UMODL1: variants seen among roughly 807,000 people sequenced by gnomAD.
UMODL1 encodes the protein uromodulin-like 1.
UMODL1 carries 128 observed loss-of-function variants against 136.3 expected under a neutral mutation model. The observed-to-expected ratio is 0.94, with a 90% CI of 0.81 to 1.09. The LOEUF (loss-of-function observed/expected upper bound fraction) is 1.09, where lower values mean the gene tolerates loss of function less well. Among genes scored for constraint, UMODL1 ranks in the 50% least tolerant of loss-of-function variants. UMODL1 has a pLI of 0.00. For synonymous variants in UMODL1, 721 were observed against 720.0 expected (o/e 1.00, Z -0.02); for missense variants, 1,766 against 1,725.6 (o/e 1.02, Z -0.41).
chr21:42,074,803 C>A (rs2146417842), intron 1 of UMODL1, among the ~76,000 whole-genome samples: 1 of 152,314 alleles, frequency 6.6e-6, no homozygotes, highest in South Asian at 2.1e-4. Context: ...GGGCTCACTG[C>A]AACCTCCGCC....
intron 22 of UMODL1, among the ~76,000 whole-genome samples, chr21:42,141,206 G>A (rs1189059955): frequency 5.3e-5 from 8 of 152,308 alleles, no homozygotes; most frequent in South Asian, 2.1e-4. Flanking sequence ...TACAGCACAC[G>A]TTTCCAAAAG....
intron 4 of UMODL1, 136 bp from the exon 5 acceptor site, chr21:42,088,158 C>G (rs1168291186): frequency 3.5e-6 from 3 of 853,972 alleles, no homozygotes; most frequent in East Asian, 5.4e-5. Context: ...TAGATAAGTA[C>G]TGTAGAGGTT....
In UMODL1 at chr21:42,074,534, C is replaced by T. The variant is rs550417802; in HGVS notation, c.77-1471C>T. 5.3e-4 allele frequency among the ~76,000 whole-genome samples: 81 copies of T among 152,248 alleles called. 1 individual carries two copies. In the South Asian group the frequency reaches 0.012, roughly 23 times the overall value. ...GGGGATGTCCATGACCAAAGAGTCT[C>T]GTGGTGAATGTCATGGGGCCAGGGG... On this transcript the variant is annotated intron_variant, in intron 1 of 22. Transcript: ENST00000408910.
chr21:42,107,687 G>C (rs1391599691), intron 9 of UMODL1, among the ~76,000 whole-genome samples: 1 of 152,168 alleles, frequency 6.6e-6, no homozygotes, highest in African/African-American at 2.4e-5. Context: ...CACTTCTGGA[G>C]GACGCCCTGG....
chr21:42,104,063 G>A lies in UMODL1; in HGVS notation c.1495G>A (p.Asp499Asn), dbSNP rs1349474584. ...PLLASTVFQI[D>N]RQGTRVQDWD... ...GTTGGCAAGCACAGTGTTCCAGATT[G>A]ACCGGCAGGGGACACGCGTGCAAGG... Residue 499 changes from aspartate (D) to asparagine (N), a missense_variant, in exon 9 of 23, where the codon GAC (aspartate) becomes AAC (asparagine). By Grantham distance (23) the Asp-to-Asn change is conservative. Transcript: ENST00000408910. 6.8e-6 allele frequency: 11 copies of A among 1,612,694 alleles called. 1 individual carries two copies. The South Asian group carries it at 1.2e-4, about 18-fold the overall frequency.
intron 1 of UMODL1, 75 bp downstream of exon 1, chr21:42,071,467 C>T (rs1476702075): frequency 5.8e-6 from 8 of 1,383,460 alleles, no homozygotes; most frequent in South Asian, 5.1e-5. Flanking sequence ...GAGGACAGCC[C>T]CCTGTGGAGA....
intron 9 of UMODL1, among the ~76,000 whole-genome samples, chr21:42,107,192 G>A (rs968385222): frequency 6.6e-6 from 1 of 152,184 alleles, no homozygotes; most frequent in Non-Finnish European, 1.5e-5. Context: ...CTCATACAGT[G>A]TGCATTTGTT....
intron 21 of UMODL1, among the ~76,000 whole-genome samples, chr21:42,136,211 TGA>T (rs975987854): frequency 1.3e-5 from 2 of 152,162 alleles, no homozygotes; most frequent in Non-Finnish European, 2.9e-5. Context: ...AAAATTAAAC[TGA>T]GATGAAATTC....
rs1329846003 is a variant in UMODL1 at position 42,085,088 on chromosome 21, A to C, written c.482-203A>C. Among the ~76,000 whole-genome samples the C allele has an allele frequency of 6.6e-6, 1 of 151,966 alleles. No individual in the cohort carries two copies. The highest frequency in any genetic ancestry group is 1.5e-5 in the Non-Finnish European group (1 of 68,000). On this transcript the variant is annotated intron_variant, in intron 3 of 22. Coordinates refer to ENST00000408910, the MANE Select transcript of UMODL1 (RefSeq NM_001004416.3). This position sits in a 1 kb window ranked among gnomAD's most constrained non-coding sequence, Gnocchi z 4.5. ...GAGCAGGGATCGGTGGTCTTCAGGG[A>C]CATTAGGATGGAGAGGAGCGAGGGG...
rs202079397 is a variant in UMODL1, at chr21:42,127,209, G to A, written c.3497G>A (p.Arg1166Gln). 1.3e-4 allele frequency: 212 copies of A among 1,613,874 alleles called. No individual in the cohort carries two copies. The highest frequency in any genetic ancestry group is 2.0e-4 in the South Asian group (18 of 91,010). Residue 1166 changes from arginine to glutamine, a missense_variant, in exon 19 of 23, where the codon CGG becomes CAG. Arg to Gln is a conservative substitution (Grantham distance 43). Transcript: ENST00000408910. ...TGGGCAACCCCGTCTAGCAACGCCCGGGACCCCATCACCTTCAGCTTCATT... is the reference window on the plus strand; with the variant it reads ...TGGGCAACCCCGTCTAGCAACGCCCAGGACCCCATCACCTTCAGCTTCATT... Reference protein sequence around the residue: ...ECWATPSSNARDPITFSFINN... With the variant: ...ECWATPSSNAQDPITFSFINN...
At chr21:42,082,095 C>T (rs377503692) in intron 2 of UMODL1, among the ~76,000 whole-genome samples, 1 of 152,200 alleles carries the variant, frequency 6.6e-6, no homozygotes, top group East Asian at 1.9e-4. Flanking sequence ...ATGCCCACAG[C>T]AAGGCCGGGC....
chr21:42,139,038 C>T (rs956441341), intron 22 of UMODL1, among the ~76,000 whole-genome samples: 18 of 152,116 alleles, frequency 1.2e-4, no homozygotes, highest in African/African-American at 4.1e-4. Flanking sequence ...TGTGGTGGCA[C>T]ACACCTGTGG....
At position 42,121,050 on chromosome 21, in the gene UMODL1, G is replaced by A. The variant is rs747318437; in HGVS notation, c.2690-37G>A. Reference sequence around the variant, plus strand: ...CTGCTGTGAGACCACAAGCCCCCAGGGATGTTCTTCTGTTTTGTCTTCTAA... The same window carrying A: ...CTGCTGTGAGACCACAAGCCCCCAGAGATGTTCTTCTGTTTTGTCTTCTAA... On this transcript the variant is annotated intron_variant, in intron 15 of 22. Coordinates refer to ENST00000408910, the MANE Select transcript of UMODL1 (RefSeq NM_001004416.3). 1.1e-5 allele frequency: 17 copies of A among 1,591,758 alleles called. No individual in the cohort carries two copies. In the East Asian group the frequency reaches 3.4e-4, roughly 32 times the overall value.
intron 11 of UMODL1, 184 bp from the exon 12 acceptor site, chr21:42,111,322 G>A (rs1286263481): frequency 1.4e-6 from 2 of 1,467,856 alleles, no homozygotes; most frequent in Non-Finnish European, 1.8e-6. Context: ...ACTCCAGCCA[G>A]GGGAGCCCCA....
chr21:42,130,759 C>T (rs2067123713), intron 21 of UMODL1, among the ~76,000 whole-genome samples: 1 of 152,106 alleles, frequency 6.6e-6, no homozygotes. Flanking sequence ...ATCTGGCTTC[C>T]CAGGACACCA....
intron 15 of UMODL1, 133 bp downstream of exon 15, chr21:42,119,457 G>A: frequency 1.3e-6 from 1 of 769,542 alleles, no homozygotes; most frequent in Non-Finnish European, 2.2e-6. Context: ...ATTAGATGAA[G>A]ATGTGAAATA....
In UMODL1 at chr21:42,137,439, G is replaced by A. The variant is rs1019073675; in HGVS notation, c.3776G>A (p.Gly1259Asp). The change falls in exon 22 of 23, where the codon GGT (glycine) becomes GAT (aspartate). Residue 1259 changes from glycine (G) to aspartate (D), a missense_variant and splice_region_variant. Coordinates refer to ENST00000408910, the MANE Select transcript of UMODL1 (RefSeq NM_001004416.3). ...MSWGPLIRSE[G>D]EPPHAEAGLG... ...CACCTGTGCCTGTCTCCTCCCCGAG[G>A]TGAGCCTCCTCATGCAGAAGCAGGC... 1 of 1,614,158 alleles carries A rather than the reference G, an allele frequency of 6.2e-7. No homozygotes were observed. Among genetic ancestry groups the A allele is most frequent in the African/African-American group, 1.3e-5 (1 of 75,074 alleles).
intron 21 of UMODL1, among the ~76,000 whole-genome samples, chr21:42,133,988 G>A (rs112119097): frequency 0.062 from 9,442 of 152,252 alleles, 409 homozygotes; most frequent in Middle Eastern, 0.1. Context: ...CATGATCTCG[G>A]CTCACTGCAA....
At chr21:42,117,561 T>G (rs1458935478) in intron 14 of UMODL1, among the ~76,000 whole-genome samples, 1 of 152,198 alleles carries the variant, frequency 6.6e-6, no homozygotes, top group Non-Finnish European at 1.5e-5. Flanking sequence ...GCACGGAATC[T>G]CACATTGTAG....
Sources: gnomAD v4.1 joint callset for allele counts (sites outside exome capture counted in the v4.1 genomes callset) on GRCh38, gnomAD v4.1.1 for gene constraint, Gnocchi (gnomAD v3.1) non-coding constraint, MANE v1.5 for transcripts, NCBI Gene and HGNC (gene_info 2026-07-23, HGNC 2026-07-21) for gene names.